The following SIPA1L2 variants were observed in gnomAD, a reference collection of about 807,000 sequenced individuals.
SIPA1L2 encodes the protein signal induced proliferation associated 1 like 2, also known as signal-induced proliferation-associated 1-like protein 2.
In SIPA1L2, 56 loss-of-function variants were observed where a neutral mutation model predicts 163.9. The ratio of observed to expected loss-of-function variants is 0.34; its 90% CI spans 0.28 to 0.43. The LOEUF is 0.43. SIPA1L2 is among the 20% of genes least tolerant of loss of function. The probability of loss-of-function intolerance (pLI) is 1.00; values close to 1 mark genes in which losing one functional copy is unlikely to be tolerated. For synonymous variants in SIPA1L2, 877 were observed against 865.7 expected, an observed-to-expected ratio of 1.01 and a Z score of -0.23; for missense variants, 1,974 against 2,193.5, an observed-to-expected ratio of 0.90 and a Z score of 2.00.
At chr1:232,490,041 A>T (rs1382911868) in intron 5 of SIPA1L2, among the ~76,000 whole-genome samples, 3 of 152,064 alleles carry the variant, frequency 2.0e-5, no homozygotes, top group African/African-American at 7.2e-5. Flanking sequence ...ATCTTCCTAA[A>T]ATACAGCTCT....
chr1:232,412,793 T>C (rs1049492620), intron 19 of SIPA1L2, among the ~76,000 whole-genome samples: 3 of 152,172 alleles, frequency 2.0e-5, no homozygotes, highest in African/African-American at 7.2e-5. Context: ...AAACACGTCA[T>C]TAACTCCTTC....
chr1:232,436,710 G>A (rs1174922109), intron 15 of SIPA1L2, among the ~76,000 whole-genome samples: 1 of 152,170 alleles, frequency 6.6e-6, no homozygotes, highest in Non-Finnish European at 1.5e-5. Flanking sequence ...CCTCTAATGA[G>A]TCACCTGCCT....
chr1:232,600,299 A>G (rs1197023703), intron 1 of SIPA1L2, among the ~76,000 whole-genome samples: 2 of 102,322 alleles, frequency 2.0e-5, no homozygotes, highest in African/African-American at 5.7e-5. Context: ...ACACATTCTG[A>G]AAACAAGAAT....
At chr1:232,401,524 C>T (rs1660339302) in intron 22 of SIPA1L2, among the ~76,000 whole-genome samples, 1 of 152,138 alleles carries the variant, frequency 6.6e-6, no homozygotes, top group Admixed American at 6.5e-5. Flanking sequence ...GAGAAATTTG[C>T]CAACATCTCT....
At chr1:232,527,825 G>A (rs1275935899) in intron 2 of SIPA1L2, among the ~76,000 whole-genome samples, 4 of 137,928 alleles carry the variant, frequency 2.9e-5, no homozygotes, top group South Asian at 2.3e-4. Flanking sequence ...TCAAACTCCT[G>A]GACTCAAGCG....
At chr1:232,529,475 TC>T (rs1487868542) in intron 2 of SIPA1L2, among the ~76,000 whole-genome samples, 2 of 152,234 alleles carry the variant, frequency 1.3e-5, no homozygotes, top group Non-Finnish European at 2.9e-5. Context: ...GTGACATGGC[TC>T]CTGGCTTGGC....
chr1:232,613,976 T>C (rs141317290), intron 1 of SIPA1L2, among the ~76,000 whole-genome samples: 75 of 152,286 alleles, frequency 4.9e-4, no homozygotes, highest in African/African-American at 1.7e-3. Flanking sequence ...AGAAACCACT[T>C]ATCTGAGGAT....
intron 1 of SIPA1L2, among the ~76,000 whole-genome samples, chr1:232,600,327 T>G (rs1661526826): frequency 6.6e-6 from 1 of 152,238 alleles, no homozygotes; most frequent in South Asian, 2.1e-4. Context: ...TCAACTCTTT[T>G]TTTCCAGCTA....
chr1:232,463,232 T>C (rs1664332638), intron 9 of SIPA1L2, among the ~76,000 whole-genome samples: 2 of 152,206 alleles, frequency 1.3e-5, no homozygotes, highest in African/African-American at 4.8e-5. Context: ...TCTGCTCCTG[T>C]ACTGTTACCT....
chr1:232,559,581 T>C (rs772047041), intron 2 of SIPA1L2, among the ~76,000 whole-genome samples: 1 of 152,190 alleles, frequency 6.6e-6, no homozygotes, highest in Non-Finnish European at 1.5e-5. Context: ...GTATATGCAG[T>C]ATATCAACAG....
chr1:232,551,483 A>G (rs1489175419), intron 2 of SIPA1L2, among the ~76,000 whole-genome samples: 1 of 152,274 alleles, frequency 6.6e-6, no homozygotes, highest in Non-Finnish European at 1.5e-5. Flanking sequence ...ATGAGCCACG[A>G]GAATTTGAAA....
In SIPA1L2 at chr1:232,585,490, AATGGAAACTG is replaced by A. The variant is rs1459365138; in HGVS notation, c.-318-11278_-318-11269del. On this transcript the variant is annotated intron_variant, in intron 1 of 22. Coordinates refer to ENST00000674635, the MANE Select transcript of SIPA1L2 (RefSeq NM_020808.5). The stretch of plus-strand genomic sequence containing the variant: ...AGGGACAGGCCAATGGTTAATGCCT[AATGGAAACTG>A]ATCCAAAGAGAATAATTTTCTTCTC... Among the ~76,000 whole-genome samples the A allele has an allele frequency of 2.6e-5, 4 of 152,220 alleles. No individual in the cohort carries two copies. The East Asian group carries it at 7.7e-4, about 29-fold the overall frequency.
chr1:232,551,622 C>G (rs937614305), intron 2 of SIPA1L2, among the ~76,000 whole-genome samples: 2 of 152,338 alleles, frequency 1.3e-5, no homozygotes, highest in Admixed American at 1.3e-4. Context: ...TGGAAAGACC[C>G]TCCAGCCTCC....
At chr1:232,440,267 G>A (rs1662809885) in intron 14 of SIPA1L2, among the ~76,000 whole-genome samples, 1 of 152,298 alleles carries the variant, frequency 6.6e-6, no homozygotes, top group Admixed American at 6.5e-5. Flanking sequence ...TTCACAGTCT[G>A]GGAAAAGCAA....
intron 2 of SIPA1L2, among the ~76,000 whole-genome samples, chr1:232,571,298 A>G (rs1256948910): frequency 6.6e-6 from 1 of 152,236 alleles, no homozygotes; most frequent in Non-Finnish European, 1.5e-5. Flanking sequence ...GATGTCTACA[A>G]TATATTGGTA....
intron 18 of SIPA1L2, among the ~76,000 whole-genome samples, chr1:232,425,178 C>G (rs888102973): frequency 6.6e-6 from 1 of 152,106 alleles, no homozygotes. Flanking sequence ...CTGAACTGCA[C>G]GAAGAAACTG....
intron 6 of SIPA1L2, among the ~76,000 whole-genome samples, chr1:232,480,399 A>G (rs1665286490): frequency 6.6e-6 from 1 of 152,186 alleles, no homozygotes; most frequent in Non-Finnish European, 1.5e-5. Context: ...GTGATCACTT[A>G]CAGAATATTA....
intron 2 of SIPA1L2, among the ~76,000 whole-genome samples, chr1:232,532,609 T>A (rs1657033741): frequency 6.6e-6 from 1 of 152,096 alleles, no homozygotes; most frequent in African/African-American, 2.4e-5. Flanking sequence ...GATAAAAAAA[T>A]AAATTTAGCT....
At chr1:232,403,837 G>A (rs1440777266) in intron 20 of SIPA1L2, among the ~76,000 whole-genome samples, 2 of 152,168 alleles carry the variant, frequency 1.3e-5, no homozygotes, top group African/African-American at 4.8e-5. Flanking sequence ...ATTTGCTACA[G>A]CCAATTTGCT....
Sources: gnomAD v4.1 joint callset for allele counts (sites outside exome capture counted in the v4.1 genomes callset) on GRCh38, gnomAD v4.1.1 for gene constraint, MANE v1.5 for transcripts, NCBI Gene and HGNC (gene_info 2026-07-23, HGNC 2026-07-21) for gene names.